The following ZNF385D variants were observed in gnomAD, a reference collection of about 807,000 sequenced individuals.
The protein encoded by ZNF385D is zinc finger protein 385D.
In ZNF385D, 15 loss-of-function variants were observed where a neutral mutation model predicts 35.8. That is an observed-to-expected ratio of 0.42 (90% CI 0.28 to 0.64). The LOEUF (loss-of-function observed/expected upper bound fraction) is 0.64. Among genes scored for constraint, ZNF385D ranks in the 30% least tolerant of loss-of-function variants. ZNF385D has a pLI of 0.23. For missense variants in ZNF385D, 474 were observed against 494.6 expected (o/e 0.96, Z 0.39); for synonymous variants, 212 against 186.8 (o/e 1.13, Z -1.10).
intron 3 of ZNF385D, among the ~76,000 whole-genome samples, chr3:22,158,187 C>T (rs1431086169): frequency 6.6e-6 from 1 of 152,062 alleles, no homozygotes; most frequent in African/African-American, 2.4e-5. Context: ...TCTTTATTTT[C>T]ACTATTAGGC....
chr3:21,930,189 G>T (rs984787945), intron 3 of ZNF385D, among the ~76,000 whole-genome samples: 6 of 151,596 alleles, frequency 4.0e-5, no homozygotes, highest in Non-Finnish European at 8.8e-5. Flanking sequence ...AGTTAAAGGG[G>T]TGAAAGAACA....
chr3:22,231,068 A>T (rs1028838750), intron 2 of ZNF385D, among the ~76,000 whole-genome samples: 2 of 152,166 alleles, frequency 1.3e-5, no homozygotes, highest in African/African-American at 4.8e-5. Flanking sequence ...CAGGACCTCA[A>T]AACTGTGAGT....
chr3:21,585,707 A>G (rs573114310), intron 2 of ZNF385D, among the ~76,000 whole-genome samples: 5 of 152,194 alleles, frequency 3.3e-5, no homozygotes, highest in Non-Finnish European at 7.4e-5. Context: ...ATTCCACAGG[A>G]AAGGGCCATA....
At chr3:22,038,421 G>A (rs1698466775) in intron 3 of ZNF385D, among the ~76,000 whole-genome samples, 1 of 152,110 alleles carries the variant, frequency 6.6e-6, no homozygotes, top group African/African-American at 2.4e-5. Context: ...TACTTCAGTA[G>A]CACCTGTTTC....
At chr3:22,205,027 G>C (rs1294283383) in intron 2 of ZNF385D, among the ~76,000 whole-genome samples, 1 of 137,386 alleles carries the variant, frequency 7.3e-6, no homozygotes, top group African/African-American at 2.6e-5. Context: ...GAAGGTTATA[G>C]AACACCAAGC....
In ZNF385D at chr3:21,991,386, C is replaced by T. The variant is rs576153215; in HGVS notation, c.325+177431G>A. ...CTATAGCCACATGCCACCACAAAGC[C>T]GTGAATTTTCTAAGTATAAACTGGA... On this transcript the variant is annotated intron_variant, in intron 3 of 5. Transcript: ENST00000494108. Among the ~76,000 whole-genome samples the T allele has an allele frequency of 3.3e-5, 5 of 152,254 alleles. No homozygotes were observed. The South Asian group carries it at 6.2e-4, about 19-fold the overall frequency.
At chr3:22,336,301 C>A (rs143330161) in intron 2 of ZNF385D, among the ~76,000 whole-genome samples, 260 of 152,206 alleles carry the variant, frequency 1.7e-3, no homozygotes, top group African/African-American at 5.6e-3. Flanking sequence ...TAGGGTGATG[C>A]CTGAAATACT....
At chr3:22,206,641 A>G (rs965749904) in intron 2 of ZNF385D, among the ~76,000 whole-genome samples, 2 of 151,962 alleles carry the variant, frequency 1.3e-5, no homozygotes, top group Non-Finnish European at 2.9e-5. Flanking sequence ...GAACTATACA[A>G]ATGAGTGAAA....
chr3:21,441,791 C>T lies in ZNF385D; in HGVS notation c.440-4588G>A, dbSNP rs190944084. 3.0e-3 allele frequency: 2,878 copies of T among 951,796 alleles called. 57 individuals are homozygous for T. The African/African-American group carries it at 0.048, about 16-fold the overall frequency. The allele number at this position is 951,796 out of a possible 1,614,324, so 59.0% of individuals were successfully genotyped here. On this transcript the variant is annotated intron_variant, in intron 4 of 7. Coordinates refer to ENST00000281523, the MANE Select transcript of ZNF385D (RefSeq NM_024697.3). ...AAACGATTCGCTTTTCTTACTGTTT[C>T]CCAAAGGCTGATTCAGATTTCTTTG... is the stretch of plus-strand genomic sequence containing the variant.
Position 21,464,743 on chromosome 3 carries a change from A to AACACACACACACACACACACACACACAC in ZNF385D, c.440-27541_440-27540insGTGTGTGTGTGTGTGTGTGTGTGTGTGT, listed in dbSNP as rs6147726. Among the ~76,000 whole-genome samples the AACACACACACACACACACACACACACAC allele has an allele frequency of 4.5e-3, 677 of 150,296 alleles. 3 individuals carry two copies. The highest frequency in any genetic ancestry group is 0.013 in the African/African-American group (543 of 40,582). On this transcript the variant is annotated intron_variant, in intron 4 of 7. Transcript: ENST00000281523. ...TTACAGCTGCCAAAAAATAAATTAA[A>AACACACACACACACACACACACACACAC]ACACACACACACACACTTATGCAAC...
intron 3 of ZNF385D, among the ~76,000 whole-genome samples, chr3:21,836,218 A>C (rs1176004950): frequency 6.6e-6 from 1 of 152,146 alleles, no homozygotes; most frequent in East Asian, 1.9e-4. Context: ...AAAAGTTATT[A>C]GAAAGAGATA....
At chr3:21,745,149 GT>G (rs2069707208) in intron 1 of ZNF385D, among the ~76,000 whole-genome samples, 1 of 152,188 alleles carries the variant, frequency 6.6e-6, no homozygotes, top group African/African-American at 2.4e-5. Flanking sequence ...CCATCTTCCT[GT>G]GGGGCAGACA....
Position 21,763,534 on chromosome 3 carries a change from C to T in ZNF385D, c.326-98506G>A, listed in dbSNP as rs572994886. ...TTGAGAAATCCTTTCAAATGAATAT[C>T]GTGTGCTTTAGGCCTATAATATATA... On this transcript the variant is annotated intron_variant, in intron 3 of 5. Coordinates refer to the ZNF385D transcript ENST00000494108. Among the ~76,000 whole-genome samples the T allele has an allele frequency of 4.6e-5, 7 of 152,104 alleles. No individual in the cohort carries two copies. In the South Asian group the frequency reaches 1.0e-3, roughly 23 times the overall value.
At chr3:21,574,563 C>G (rs185653960) in intron 2 of ZNF385D, among the ~76,000 whole-genome samples, 6 of 152,164 alleles carry the variant, frequency 3.9e-5, no homozygotes. Flanking sequence ...TAGTTGTAAT[C>G]ATTGTGGCAT....
At chr3:21,504,731 A>T (rs962187814) in intron 4 of ZNF385D, among the ~76,000 whole-genome samples, 1 of 152,192 alleles carries the variant, frequency 6.6e-6, no homozygotes, top group Non-Finnish European at 1.5e-5. Flanking sequence ...AAGAAACAAC[A>T]ATGGAAAAAC....
At chr3:22,156,380 C>T (rs959780581) in intron 3 of ZNF385D, among the ~76,000 whole-genome samples, 1 of 151,368 alleles carries the variant, frequency 6.6e-6, no homozygotes, top group Admixed American at 6.6e-5. Flanking sequence ...CTGTGGTGTA[C>T]ACAGCCCCCC....
intron 2 of ZNF385D, among the ~76,000 whole-genome samples, chr3:22,257,037 T>C (rs1700353764): frequency 1.3e-5 from 2 of 151,832 alleles, no homozygotes; most frequent in South Asian, 4.2e-4. Context: ...AGAATATTCC[T>C]GGAGAAGATA....
chr3:21,441,787 G>A, intron 4 of ZNF385D: 1 of 960,428 alleles, frequency 1.0e-6, no homozygotes, highest in Non-Finnish European at 1.2e-6. Context: ...TTTTCTTACT[G>A]TTTCCCAAAG....
At position 21,555,586 on chromosome 3, in the gene ZNF385D, G is replaced by C. The variant is rs1328771153; in HGVS notation, c.276+8988C>G. On this transcript the variant is annotated intron_variant, in intron 3 of 7. Coordinates refer to ENST00000281523, the MANE Select transcript of ZNF385D (RefSeq NM_024697.3). ...GCATAGTGTTCCATGGTGTATACGTGCCACATTTTCTTTAACCAGTCTATC... is the reference window on the plus strand; with the variant it reads ...GCATAGTGTTCCATGGTGTATACGTCCCACATTTTCTTTAACCAGTCTATC... 2.0e-5 allele frequency among the ~76,000 whole-genome samples: 3 copies of C among 152,108 alleles called. No homozygotes were observed. The East Asian group carries it at 5.8e-4, about 29-fold the overall frequency.
Sources: gnomAD v4.1 joint callset for allele counts (sites outside exome capture counted in the v4.1 genomes callset) on GRCh38, gnomAD v4.1.1 for gene constraint, MANE v1.5 for transcripts, NCBI Gene and HGNC (gene_info 2026-07-23, HGNC 2026-07-21) for gene names.